The following SAGE1 variants were observed in gnomAD, a reference collection of about 807,000 sequenced individuals.
SAGE1 encodes sarcoma antigen 1.
Under a neutral mutation model 55.4 loss-of-function variants are expected in SAGE1, and 55 were observed. That is an observed-to-expected ratio of 0.99 (90% confidence interval 0.80 to 1.24). SAGE1 has a LOEUF of 1.24. Ranked by LOEUF, SAGE1 falls within the 50% of genes most tolerant of loss-of-function variation. The pLI is 0.00. For synonymous variants in SAGE1, 240 were observed against 244.3 expected (o/e 0.98, Z 0.17); for missense variants, 710 against 704.4 (o/e 1.01, Z -0.09).
chrX:135,910,733 T>C (rs2088883930), intron 16 of SAGE1, among the ~76,000 whole-genome samples, 178 bp downstream of exon 16: 1 of 111,841 alleles, frequency 8.9e-6, no homozygotes, highest in Non-Finnish European at 1.9e-5. Context: ...AAACTGAGCA[T>C]CTGAGAGATA....
At chrX:135,908,686 GA>G in intron 12 of SAGE1, 69 bp downstream of exon 12, 1 of 1,091,336 alleles carries the variant, frequency 9.2e-7, no homozygotes, top group East Asian at 3.0e-5. Flanking sequence ...ATGAAGGGAA[GA>G]AGGTTGTTTT....
rs375536886 is a variant in SAGE1 at position 135,907,778 on chromosome X, G to A, written c.1096G>A (p.Val366Ile). 2.5e-6 allele frequency: 3 copies of A among 1,208,036 alleles called. No individual in the cohort carries two copies. In the African/African-American group the frequency reaches 5.3e-5, roughly 21 times the overall value. ...QPLPSNALST[V>I]LPGLAYLATA... ...ACTACCTAGTAACGCCTTGTCAACT[G>A]TTCTACCAGGGCTTGCTTATTTGGC... Residue 366 changes from valine (V) to isoleucine (I), a missense_variant, in exon 10 of 20, where the codon GTT becomes ATT. By Grantham distance (29) the Val-to-Ile change is conservative. Transcript: ENST00000370709.
intron 3 of SAGE1, among the ~76,000 whole-genome samples, chrX:135,904,131 A>G (rs1185244418): frequency 6.3e-5 from 7 of 111,585 alleles, no homozygotes; most frequent in African/African-American, 2.3e-4. Context: ...AAAATGGCCA[A>G]TCTGCACACA....
intron 6 of SAGE1, 79 bp from the exon 7 acceptor site, chrX:135,906,332 A>G: frequency 9.0e-7 from 1 of 1,116,177 alleles, no homozygotes; most frequent in South Asian, 2.1e-5. Context: ...TTTCATAGAA[A>G]CTGAGCACCA....
At position 135,913,040 on chromosome X, in the gene SAGE1, A is replaced by G. The variant is rs1216462958; in HGVS notation, c.*143A>G. 2 of 446,165 alleles carry G rather than the reference A, an allele frequency of 4.5e-6. No individual in the cohort carries two copies. The highest frequency in any genetic ancestry group is 7.8e-6 in the Non-Finnish European group (2 of 255,895). 36.8% of individuals were successfully genotyped at this position (446,165 alleles called of 1,213,427 possible). A position where few individuals can be genotyped will look rare whatever the true frequency, so the allele number is the denominator to read the frequency against. Reference sequence around the variant, plus strand: ...AAAGGGAGCTGTTTAAATTTAATAAATCTCTGTTAGTAAAAGCTGCACTTT... The same window carrying G: ...AAAGGGAGCTGTTTAAATTTAATAAGTCTCTGTTAGTAAAAGCTGCACTTT... On this transcript the variant is annotated 3_prime_UTR_variant, in exon 20 of 20. Coordinates refer to ENST00000370709, the MANE Select transcript of SAGE1 (RefSeq NM_001381902.1).
chrX:135,909,876 A>C, intron 14 of SAGE1, 97 bp downstream of exon 14: 1 of 994,089 alleles, frequency 1.0e-6, no homozygotes, highest in Non-Finnish European at 1.4e-6. Flanking sequence ...ATTATCTTTC[A>C]TGAGTTCAAT....
chrX:135,905,759 C>T (rs1371679765), intron 5 of SAGE1, among the ~76,000 whole-genome samples: 1 of 112,262 alleles, frequency 8.9e-6, no homozygotes, highest in African/African-American at 3.2e-5. Context: ...GCTGATATTC[C>T]ACCCCTGAGT....
At chrX:135,896,134 G>C (rs2088580460) in intron 1 of SAGE1, 109 bp from the exon 2 acceptor site, 1 of 533,476 alleles carries the variant, frequency 1.9e-6, no homozygotes, top group South Asian at 2.9e-5. Flanking sequence ...ACTCTCAAGA[G>C]GATCATATAT....
Position 135,904,746 on chromosome X carries a change from G to A in SAGE1, c.313+177G>A, listed in dbSNP as rs781920632. On this transcript the variant is annotated intron_variant, in intron 4 of 19. Transcript: ENST00000370709. ...TTTGAGGGGTATCAGATGGCCAGCT[G>A]GCATATCCTCCCCTGCTTTTTTAGA... is the stretch of plus-strand genomic sequence containing the variant. Among the ~76,000 whole-genome samples the A allele has an allele frequency of 1.4e-4, 15 of 111,081 alleles. 1 individual carries two copies. In the South Asian group the frequency reaches 3.5e-3, roughly 26 times the overall value.
chrX:135,909,356 A>G (rs781862256), intron 13 of SAGE1, among the ~76,000 whole-genome samples: 47 of 112,208 alleles, frequency 4.2e-4, no homozygotes, highest in Non-Finnish European at 7.9e-4. Context: ...TGAATGTCAC[A>G]GGGGCTGGTA....
At position 135,908,249 on chromosome X, in the gene SAGE1, G is replaced by C; in HGVS notation, c.1300+20G>C. ...ATCAGTGTATGTTTGCTTACTAGTT[G>C]TACTATCCTACTTGGTTTCCATATG... is the stretch of plus-strand genomic sequence containing the variant. On this transcript the variant is annotated intron_variant, in intron 11 of 19. Coordinates refer to ENST00000370709, the MANE Select transcript of SAGE1 (RefSeq NM_001381902.1). The C allele has an allele frequency of 8.4e-7, 1 of 1,185,038 alleles. No individual in the cohort carries two copies. Among genetic ancestry groups the C allele is most frequent in the Non-Finnish European group, 1.1e-6 (1 of 874,129 alleles).
chrX:135,907,652 T>C (rs781894175), intron 9 of SAGE1, 49 bp from the exon 10 acceptor site: 8 of 1,179,796 alleles, frequency 6.8e-6, no homozygotes, highest in Non-Finnish European at 9.2e-6. Context: ...CCTGTAGGGC[T>C]GACATAATAC....
intron 2 of SAGE1, among the ~76,000 whole-genome samples, chrX:135,900,936 G>A (rs2088664889): frequency 9.1e-6 from 1 of 110,400 alleles, no homozygotes; most frequent in Non-Finnish European, 1.9e-5. Context: ...CAGGAGGTCA[G>A]GAGATCAAGA....
intron 2 of SAGE1, among the ~76,000 whole-genome samples, chrX:135,897,797 G>A (rs1183903571): frequency 9.1e-6 from 1 of 110,343 alleles, no homozygotes; most frequent in Non-Finnish European, 1.9e-5. Flanking sequence ...CCAGCACCCA[G>A]TAGCTATTTT....
At chrX:135,900,032 T>C (rs1556595571) in intron 2 of SAGE1, among the ~76,000 whole-genome samples, 1 of 111,097 alleles carries the variant, frequency 9.0e-6, no homozygotes, top group African/African-American at 3.3e-5. Context: ...AATACTATGT[T>C]GAATAGGCGA....
rs183130853 is a variant in SAGE1, at chrX:135,897,451, A to G, written c.87+1122A>G. Among the ~76,000 whole-genome samples the G allele has an allele frequency of 4.3e-3, 483 of 111,813 alleles. 2 individuals carry two copies. Among genetic ancestry groups the G allele is most frequent in the African/African-American group, 0.015 (463 of 30,812 alleles). ...GTCATAAGAATCACACCTCACTCAT[A>G]GGGATTGGCCAAGGATTGAGTTAAT... On this transcript the variant is annotated intron_variant, in intron 2 of 19. Transcript: ENST00000370709.
At chrX:135,902,057 T>C (rs1436962545) in intron 3 of SAGE1, among the ~76,000 whole-genome samples, 1 of 112,121 alleles carries the variant, frequency 8.9e-6, no homozygotes, top group Non-Finnish European at 1.9e-5. Context: ...TACTCCCTCC[T>C]GCACGGAAAG....
chrX:135,909,443 C>CAT (rs2088855163), intron 13 of SAGE1, among the ~76,000 whole-genome samples, 196 bp from the exon 14 acceptor site: 1 of 111,297 alleles, frequency 9.0e-6, no homozygotes, highest in Non-Finnish European at 1.9e-5. Flanking sequence ...CATACGCATG[C>CAT]AGTGTCATGC....
rs1556605984 is a variant in SAGE1 at position 135,910,595 on chromosome X, C to T, written c.2005+40C>T. 6.2e-6 allele frequency: 7 copies of T among 1,137,960 alleles called. 1 individual carries two copies. The South Asian group carries it at 1.1e-4, about 19-fold the overall frequency. 93.8% of individuals were successfully genotyped at this position (1,137,960 alleles called of 1,213,427 possible). ...TAGTTGTGCTGTCCTACTTGGTTTC[C>T]CTAAGCAGGCATATTTTCATGAATG... On this transcript the variant is annotated intron_variant, in intron 16 of 19. Transcript: ENST00000370709.
Sources: allele counts gnomAD v4.1 joint callset (sites outside exome capture counted in the v4.1 genomes callset), GRCh38; gene constraint gnomAD v4.1.1; transcripts MANE v1.5; gene names NCBI Gene and HGNC (gene_info 2026-07-23, HGNC 2026-07-21).